Variants in AUTS2 observed in about 807,000 individuals in gnomAD.
AUTS2 encodes the protein activator of transcription and developmental regulator AUTS2, also known as autism susceptibility gene 2 protein.
A neutral mutation model predicts 112.4 loss-of-function variants in AUTS2; 17 were observed. The observed-to-expected ratio is 0.15, with a 90% CI of 0.10 to 0.23. The LOEUF is 0.23. Ranked by LOEUF, AUTS2 falls within the 10% of genes least tolerant of loss-of-function variation. AUTS2 has a pLI of 1.00. For synonymous variants in AUTS2, 751 were observed against 702.7 expected, an observed-to-expected ratio of 1.07 and a Z score of -1.09; for missense variants, 1,510 against 1,701.6, an observed-to-expected ratio of 0.89 and a Z score of 1.98.
chr7:70,620,029 C>T (rs1290229569), intron 5 of AUTS2, among the ~76,000 whole-genome samples: 8 of 152,310 alleles, frequency 5.3e-5, no homozygotes, highest in South Asian at 2.1e-4. Flanking sequence ...CCTCCCTGTA[C>T]CGCTCTGTAG....
chr7:70,248,597 A>G (rs1282772815), intron 4 of AUTS2, among the ~76,000 whole-genome samples: 1 of 152,038 alleles, frequency 6.6e-6, no homozygotes, highest in Non-Finnish European at 1.5e-5. Context: ...ATCAGTTAGA[A>G]TTTATTTTGT....
chr7:70,573,498 G>T (rs773500018), intron 5 of AUTS2, among the ~76,000 whole-genome samples: 5 of 152,230 alleles, frequency 3.3e-5, no homozygotes, highest in Non-Finnish European at 5.9e-5. Flanking sequence ...ACTGGAAAAT[G>T]AGGGCTTTGC....
At chr7:69,992,400 A>G (rs902414660) in intron 2 of AUTS2, among the ~76,000 whole-genome samples, 7 of 152,190 alleles carry the variant, frequency 4.6e-5, no homozygotes, top group African/African-American at 1.7e-4. Context: ...AGCAGGTGAT[A>G]TATGATTGAT....
At chr7:69,768,242 G>T (rs879449478) in intron 1 of AUTS2, among the ~76,000 whole-genome samples, 5 of 152,158 alleles carry the variant, frequency 3.3e-5, no homozygotes, top group Admixed American at 3.3e-4. Context: ...AGACTCTCAC[G>T]CTGGGTTGTG....
intron 2 of AUTS2, among the ~76,000 whole-genome samples, chr7:69,962,629 CAG>C (rs1294765832): frequency 6.6e-6 from 1 of 151,868 alleles, no homozygotes; most frequent in Non-Finnish European, 1.5e-5. Flanking sequence ...CTTTGAGGGT[CAG>C]GGGAGGCTTT....
chr7:70,493,772 CT>C (rs1038672490), intron 5 of AUTS2, among the ~76,000 whole-genome samples: 87 of 152,068 alleles, frequency 5.7e-4, no homozygotes, highest in African/African-American at 2.1e-3. Context: ...AGTAAGTAAC[CT>C]TTCTTGGAAG....
intron 2 of AUTS2, among the ~76,000 whole-genome samples, chr7:70,031,796 A>G (rs1418796414): frequency 6.6e-6 from 1 of 152,140 alleles, no homozygotes; most frequent in Non-Finnish European, 1.5e-5. Flanking sequence ...TTTAGCACCT[A>G]CTATGCACTC....
At chr7:69,610,481 T>C (rs1176828126) in intron 1 of AUTS2, among the ~76,000 whole-genome samples, 1 of 152,222 alleles carries the variant, frequency 6.6e-6, no homozygotes, top group Non-Finnish European at 1.5e-5. Context: ...TCCTCCTCTC[T>C]GCAGGGAGGC....
At chr7:69,647,899 A>G (rs1430833035) in intron 1 of AUTS2, among the ~76,000 whole-genome samples, 1 of 152,194 alleles carries the variant, frequency 6.6e-6, no homozygotes, top group Non-Finnish European at 1.5e-5. Flanking sequence ...TTGCAGCTGC[A>G]TAATTTCAAT....
chr7:70,364,720 A>C (rs1792487710), intron 4 of AUTS2, among the ~76,000 whole-genome samples: 1 of 152,002 alleles, frequency 6.6e-6, no homozygotes, highest in African/African-American at 2.4e-5. Flanking sequence ...GGTGGATCAG[A>C]CTCATTCATT....
intron 1 of AUTS2, among the ~76,000 whole-genome samples, chr7:69,711,785 T>C (rs1300450176): frequency 6.6e-6 from 1 of 152,176 alleles, no homozygotes; most frequent in African/African-American, 2.4e-5. Context: ...GTAACAAAGA[T>C]TATTGGTTCT....
chr7:70,503,665 G>T (rs1798854410), intron 5 of AUTS2, among the ~76,000 whole-genome samples: 1 of 151,478 alleles, frequency 6.6e-6, no homozygotes, highest in Non-Finnish European at 1.5e-5. Flanking sequence ...CTACAGGTGT[G>T]CACCACCATG....
intron 5 of AUTS2, among the ~76,000 whole-genome samples, chr7:70,544,826 A>G (rs1439141444): frequency 6.6e-6 from 1 of 152,034 alleles, no homozygotes; most frequent in Non-Finnish European, 1.5e-5. Context: ...AGCAGCTGTT[A>G]ACAGTTTTCT....
chr7:70,223,883 T>A (rs1811615194), intron 4 of AUTS2, among the ~76,000 whole-genome samples: 1 of 151,800 alleles, frequency 6.6e-6, no homozygotes, highest in South Asian at 2.1e-4. Context: ...GTTTGTTTCT[T>A]AGAAGGGGTC....
intron 5 of AUTS2, among the ~76,000 whole-genome samples, chr7:70,678,766 T>A (rs1808057784): frequency 6.6e-6 from 1 of 152,244 alleles, no homozygotes; most frequent in South Asian, 2.1e-4. Flanking sequence ...AATTTTATTG[T>A]GGGTTGACCA....
intron 1 of AUTS2, among the ~76,000 whole-genome samples, chr7:69,803,820 A>C (rs530760121): frequency 6.6e-6 from 1 of 152,162 alleles, no homozygotes; most frequent in African/African-American, 2.4e-5. Context: ...GCTTGATTCT[A>C]TGAGTTTCAG....
chr7:70,001,995 G>A (rs1345565183), intron 2 of AUTS2, among the ~76,000 whole-genome samples: 1 of 152,168 alleles, frequency 6.6e-6, no homozygotes, highest in Non-Finnish European at 1.5e-5. Flanking sequence ...ACAGGCGTGA[G>A]CCACCACACC....
intron 5 of AUTS2, among the ~76,000 whole-genome samples, chr7:70,660,556 G>C (rs1483157978): frequency 1.3e-5 from 2 of 152,300 alleles, no homozygotes; most frequent in African/African-American, 4.8e-5. Flanking sequence ...AGAATATGAG[G>C]AAGGCCCACC....
intron 2 of AUTS2, among the ~76,000 whole-genome samples, chr7:69,957,466 GT>G (rs1797262519): frequency 1.3e-5 from 2 of 151,956 alleles, no homozygotes; most frequent in Non-Finnish European, 2.9e-5. Flanking sequence ...ATATCATTAT[GT>G]TGGATAAAAT....
Sources: allele counts gnomAD v4.1 joint callset (sites outside exome capture counted in the v4.1 genomes callset), GRCh38; gene constraint gnomAD v4.1.1; transcripts MANE v1.5; gene names NCBI Gene and HGNC (gene_info 2026-07-23, HGNC 2026-07-21).